The following MCTP2 variants were observed in gnomAD, a reference collection of about 807,000 sequenced individuals.
MCTP2 encodes the protein multiple C2 and transmembrane domain containing 2, also known as multiple C2 and transmembrane domain-containing protein 2.
Under a neutral mutation model 111.6 loss-of-function variants are expected in MCTP2, and 132 were observed. That is an observed-to-expected ratio of 1.18 (90% CI 1.03 to 1.37). The LOEUF (loss-of-function observed/expected upper bound fraction) is 1.37, where lower values mean the gene tolerates loss of function less well. MCTP2 is among the 40% of genes most tolerant of loss of function. The pLI, the probability that MCTP2 is intolerant of heterozygous loss-of-function variation, is 0.00. For synonymous variants in MCTP2, 395 were observed against 387.7 expected, an observed-to-expected ratio of 1.02 and a Z score of -0.22; for missense variants, 1,183 against 1,067.9, an observed-to-expected ratio of 1.11 and a Z score of -1.50.
chr15:94,315,247 G>C (rs1170615465), intron 3 of MCTP2, among the ~76,000 whole-genome samples: 1 of 152,158 alleles, frequency 6.6e-6, no homozygotes, highest in Non-Finnish European at 1.5e-5. Flanking sequence ...GTAATTTAAT[G>C]AGGGTATTTC....
rs546015088 is a variant in MCTP2 at position 94,401,923 on chromosome 15, T to C, written c.1989T>C (p.Arg663=). 1 of 1,612,580 alleles carries C rather than the reference T, an allele frequency of 6.2e-7. No individual in the cohort carries two copies. Among genetic ancestry groups the C allele is most frequent in the Admixed American group, 1.7e-5 (1 of 59,912 alleles). Residue 663 remains arginine, a synonymous_variant, in exon 17 of 23, where the codon CGT becomes CGC. Coordinates refer to ENST00000357742, the MANE Select transcript of MCTP2 (RefSeq NM_001385001.1). ...SKKILSRDVD[R]VKRITMAIWN... is the part of the protein sequence containing the mutation. The stretch of plus-strand genomic sequence containing the variant: ...AGATCTTATCAAGAGATGTGGACCG[T>C]GTGAAAAGAATCACTATGGCAATAT...
chr15:94,470,225 CTG>C (rs2073803938), intron 20 of MCTP2, 106 bp from the exon 21 acceptor site: 6 of 835,676 alleles, frequency 7.2e-6, no homozygotes, highest in African/African-American at 6.9e-5. Context: ...TTCCAATAGA[CTG>C]TAAAAAAAAT....
At chr15:94,315,499 C>G in intron 3 of MCTP2, 30 bp from the exon 4 acceptor site, 1 of 1,495,286 alleles carries the variant, frequency 6.7e-7, no homozygotes, top group East Asian at 2.3e-5. Flanking sequence ...CCAAGACATA[C>G]TGTCTTAACT....
chr15:94,391,112 G>A (rs542463917), intron 14 of MCTP2, among the ~76,000 whole-genome samples: 1 of 152,060 alleles, frequency 6.6e-6, no homozygotes, highest in South Asian at 2.1e-4. Context: ...TCAGAAGCAT[G>A]GGTCTTTATA....
chr15:94,387,218 G>T (rs754917650), intron 14 of MCTP2, among the ~76,000 whole-genome samples: 1 of 150,554 alleles, frequency 6.6e-6, no homozygotes, highest in African/African-American at 2.5e-5. Flanking sequence ...CTTAATCAGG[G>T]TTTCTCAGTC....
intron 1 of MCTP2, among the ~76,000 whole-genome samples, chr15:94,253,252 G>C (rs1217637337): frequency 6.6e-6 from 1 of 152,126 alleles, no homozygotes; most frequent in Non-Finnish European, 1.5e-5. Context: ...CTCCCACCTT[G>C]AATATCCAGT....
chr15:94,383,073 ACT>A lies in MCTP2; in HGVS notation c.1583-946_1583-945del, dbSNP rs1349969472. 2.6e-5 allele frequency among the ~76,000 whole-genome samples: 4 copies of A among 151,656 alleles called. No homozygotes were observed. The East Asian group carries it at 7.7e-4, about 29-fold the overall frequency. ...TTAATTTTTTTTTGTTAAGTTAAAA[ACT>A]CTGACCTTTATTGAGTTATACTTTT... On this transcript the variant is annotated intron_variant, in intron 12 of 22. Coordinates refer to ENST00000357742, the MANE Select transcript of MCTP2 (RefSeq NM_001385001.1).
intron 1 of MCTP2, among the ~76,000 whole-genome samples, chr15:94,290,349 C>T (rs2074977323): frequency 6.6e-6 from 1 of 151,996 alleles, no homozygotes; most frequent in African/African-American, 2.4e-5. Context: ...AATATTAATT[C>T]TAAATAAAAT....
chr15:94,402,875 A>C, intron 17 of MCTP2: 2 of 1,142,560 alleles, frequency 1.8e-6, no homozygotes, highest in Non-Finnish European at 2.2e-6. Context: ...AATATCAGTC[A>C]TGATCATTGG....
At chr15:94,313,886 C>G (rs995569619) in intron 2 of MCTP2, among the ~76,000 whole-genome samples, 11 of 152,180 alleles carry the variant, frequency 7.2e-5, no homozygotes, top group African/African-American at 2.4e-4. Flanking sequence ...CGGACATGCT[C>G]GATTCTCTGG....
intron 16 of MCTP2, among the ~76,000 whole-genome samples, chr15:94,400,697 C>G (rs959409554): frequency 6.6e-6 from 1 of 150,394 alleles, no homozygotes; most frequent in Non-Finnish European, 1.5e-5. Context: ...TTGTACCTAT[C>G]GTCCCTCTTC....
intron 14 of MCTP2, among the ~76,000 whole-genome samples, chr15:94,391,819 G>A (rs1485813853): frequency 1.3e-5 from 2 of 152,192 alleles, no homozygotes; most frequent in African/African-American, 2.4e-5. Flanking sequence ...AAGAATGACT[G>A]TAGGAGTCTC....
intron 14 of MCTP2, among the ~76,000 whole-genome samples, chr15:94,393,883 C>T (rs138978791): frequency 9.2e-5 from 14 of 151,644 alleles, no homozygotes; most frequent in Non-Finnish European, 1.9e-4. Context: ...AACCTTGTCT[C>T]TACTAAAAAT....
At chr15:94,450,691 G>A (rs1343771430) in intron 19 of MCTP2, among the ~76,000 whole-genome samples, 1 of 152,128 alleles carries the variant, frequency 6.6e-6, no homozygotes, top group Admixed American at 6.5e-5. Context: ...AAATTACTGG[G>A]AGGATTTTGA....
Position 94,370,191 on chromosome 15 carries a change from T to G in MCTP2, c.1582+11T>G. 1 of 1,587,456 alleles carries G rather than the reference T, an allele frequency of 6.3e-7. No individual in the cohort carries two copies. The highest frequency in any genetic ancestry group is 8.6e-7 in the Non-Finnish European group (1 of 1,166,134). ...CGGCAGATTTCTCAGGTACAGGACA[T>G]TTTCATTTTCTAATTTATCTTTATT... is the stretch of plus-strand genomic sequence containing the variant. On this transcript the variant is annotated intron_variant, in intron 12 of 22. Coordinates refer to ENST00000357742, the MANE Select transcript of MCTP2 (RefSeq NM_001385001.1).
chr15:94,481,484 G>C lies in MCTP2; in HGVS notation c.*2450G>C, dbSNP rs1303758690. ...TCTGATTTCCACCACCCAAGTGGAG[G>C]CCTTCATAACCTCTCAGACGTCACG... On this transcript the variant is annotated 3_prime_UTR_variant, in exon 23 of 23. Coordinates refer to ENST00000357742, the MANE Select transcript of MCTP2 (RefSeq NM_001385001.1). The C allele has an allele frequency of 6.6e-6, 1 of 152,236 alleles. No individual in the cohort carries two copies. The highest frequency in any genetic ancestry group is 2.4e-5 in the African/African-American group (1 of 41,436). The allele number at this position is 152,236 out of a possible 1,614,324, so 9.4% of individuals were successfully genotyped here. A position where few individuals can be genotyped will look rare whatever the true frequency, so the allele number is the denominator to read the frequency against.
chr15:94,381,750 T>C (rs943043893), intron 12 of MCTP2, among the ~76,000 whole-genome samples: 8 of 152,178 alleles, frequency 5.3e-5, no homozygotes, highest in African/African-American at 1.9e-4. Context: ...AAGCCAAAAG[T>C]ATGTGGTCTC....
chr15:94,405,927 C>T (rs959037412), intron 17 of MCTP2, among the ~76,000 whole-genome samples: 2 of 151,638 alleles, frequency 1.3e-5, no homozygotes, highest in Non-Finnish European at 2.9e-5. Context: ...CTTGACTTTC[C>T]CATTTGAAAA....
chr15:94,439,615 A>G (rs1422227643), intron 17 of MCTP2, among the ~76,000 whole-genome samples: 1 of 152,214 alleles, frequency 6.6e-6, no homozygotes, highest in Non-Finnish European at 1.5e-5. Flanking sequence ...GTGAGGAGTC[A>G]CAAATTTCAG....
Sources: allele counts gnomAD v4.1 joint callset (sites outside exome capture counted in the v4.1 genomes callset), GRCh38; gene constraint gnomAD v4.1.1; transcripts MANE v1.5; gene names NCBI Gene and HGNC (gene_info 2026-07-23, HGNC 2026-07-21).